GLDN: variants seen among roughly 807,000 people sequenced by gnomAD.
GLDN encodes the protein collomin.
A neutral mutation model predicts 56.5 loss-of-function variants in GLDN; 47 were observed. The ratio of observed to expected loss-of-function variants is 0.83; its 90% CI spans 0.66 to 1.06. The LOEUF is 1.06. Ranked by LOEUF, GLDN falls within the 50% of genes least tolerant of loss-of-function variation. The pLI, the probability that GLDN is intolerant of heterozygous loss-of-function variation, is 0.00. For synonymous variants in GLDN, 332 were observed against 278.8 expected (o/e 1.19, Z -1.90); for missense variants, 782 against 714.3 (o/e 1.09, Z -1.08).
chr15:51,342,165 C>T (rs1185357481), intron 1 of GLDN, 118 bp downstream of exon 1: 19 of 1,303,316 alleles, frequency 1.5e-5, no homozygotes, highest in Non-Finnish European at 1.9e-5. Flanking sequence ...GCGGAGAGGG[C>T]TGTGGGCATG....
rs1222795026 is a variant in GLDN, at chr15:51,407,447, G to A, written c.*2693G>A. ...ACACTTTCCAAATATCTGCACTTCT[G>A]ATGTCAGAATCAAACCAGATAATTC... On this transcript the variant is annotated 3_prime_UTR_variant, in exon 10 of 10. Transcript: ENST00000335449. 1 of 152,174 alleles carries A rather than the reference G, an allele frequency of 6.6e-6. No individual in the cohort carries two copies. The highest frequency in any genetic ancestry group is 1.5e-5 in the Non-Finnish European group (1 of 68,042). The allele number at this position is 152,174 out of a possible 1,614,324, so 9.4% of individuals were successfully genotyped here.
intron 1 of GLDN, among the ~76,000 whole-genome samples, chr15:51,372,116 T>C (rs2037529322): frequency 6.6e-6 from 1 of 152,156 alleles, no homozygotes; most frequent in Non-Finnish European, 1.5e-5. Context: ...TAGCAAGGGA[T>C]TGAAGTGTGC....
intron 2 of GLDN, among the ~76,000 whole-genome samples, chr15:51,377,961 A>G (rs2141089723): frequency 6.6e-6 from 1 of 152,270 alleles, no homozygotes; most frequent in South Asian, 2.1e-4. Flanking sequence ...AAGCCACCTG[A>G]AGCTTTTGCT....
At chr15:51,357,414 A>G (rs1045532198) in intron 1 of GLDN, among the ~76,000 whole-genome samples, 3 of 152,242 alleles carry the variant, frequency 2.0e-5, no homozygotes, top group African/African-American at 4.8e-5. Flanking sequence ...GTAACACTGG[A>G]CCCCTTTCAC....
chr15:51,383,397 C>A (rs547094560), intron 2 of GLDN, 39 bp from the exon 3 acceptor site: 2 of 1,611,904 alleles, frequency 1.2e-6, no homozygotes, highest in South Asian at 2.2e-5. Context: ...TTTCTGGGTT[C>A]GGTGCTGGTT....
intron 4 of GLDN, among the ~76,000 whole-genome samples, chr15:51,392,202 G>A (rs1387835165): frequency 6.6e-6 from 1 of 152,150 alleles, no homozygotes; most frequent in African/African-American, 2.4e-5. Flanking sequence ...GGGGTCCCCA[G>A]CCCCCAGACC....
chr15:51,377,790 A>G (rs2037667091), intron 2 of GLDN, among the ~76,000 whole-genome samples: 1 of 152,342 alleles, frequency 6.6e-6, no homozygotes, highest in East Asian at 1.9e-4. Context: ...ATTAGTTTTT[A>G]AAAGGGGAAA....
At chr15:51,359,915 C>T (rs1288863596) in intron 1 of GLDN, among the ~76,000 whole-genome samples, 2 of 146,766 alleles carry the variant, frequency 1.4e-5, no homozygotes, top group Non-Finnish European at 3.0e-5. Flanking sequence ...GGAGGCGGAG[C>T]TTGCAGTGAG....
intron 4 of GLDN, among the ~76,000 whole-genome samples, chr15:51,394,209 G>T (rs1475175724): frequency 6.6e-6 from 1 of 152,200 alleles, no homozygotes; most frequent in Non-Finnish European, 1.5e-5. Context: ...CATCATGGTT[G>T]CAGACTTCTC....
At chr15:51,365,859 T>C (rs1208823865) in intron 1 of GLDN, among the ~76,000 whole-genome samples, 1 of 152,214 alleles carries the variant, frequency 6.6e-6, no homozygotes, top group Admixed American at 6.5e-5. Flanking sequence ...TTCACCTGCA[T>C]TTTCTCATAA....
intron 1 of GLDN, among the ~76,000 whole-genome samples, chr15:51,375,634 C>T (rs2037613620): frequency 6.6e-6 from 1 of 152,140 alleles, no homozygotes; most frequent in Non-Finnish European, 1.5e-5. Flanking sequence ...GTTTTGAAAA[C>T]GTCAGGCTAA....
chr15:51,355,766 G>A (rs573046200), intron 1 of GLDN, among the ~76,000 whole-genome samples: 89 of 149,346 alleles, frequency 6.0e-4, no homozygotes, highest in African/African-American at 2.0e-3. Context: ...TTTGTGATCT[G>A]CCCACCTTGG....
intron 1 of GLDN, among the ~76,000 whole-genome samples, chr15:51,370,065 A>G (rs942803442): frequency 6.6e-5 from 10 of 152,182 alleles, no homozygotes; most frequent in African/African-American, 2.4e-4. Context: ...GTAGTGAGCC[A>G]TGTTCATGTC....
intron 1 of GLDN, chr15:51,367,620 A>G (rs2037432596): frequency 6.6e-6 from 1 of 152,300 alleles, no homozygotes; most frequent in Non-Finnish European, 1.5e-5. Context: ...TGACTCGAGA[A>G]TAAGCCCTAC....
chr15:51,355,815 A>G (rs62020110), intron 1 of GLDN, among the ~76,000 whole-genome samples: 37,174 of 147,626 alleles, frequency 0.25, 4,766 homozygotes, highest in Middle Eastern at 0.39. Flanking sequence ...GAGCCACCAC[A>G]CCCGGCCCTA....
At position 51,341,671 on chromosome 15, in the gene GLDN, A is replaced by G; in HGVS notation, c.-14A>G. 1 of 1,390,056 alleles carries G rather than the reference A, an allele frequency of 7.2e-7. No individual in the cohort carries two copies. The allele number at this position is 1,390,056 out of a possible 1,614,324, so 86.1% of individuals were successfully genotyped here. A position where few individuals can be genotyped will look rare whatever the true frequency, so the allele number is the denominator to read the frequency against. Reference sequence around the variant, plus strand: ...CAGGCTGCCAAGCCCTGCCCTGCCCAAGGCGCATAGAGCATGGCCCGAGGC... The same window carrying G: ...CAGGCTGCCAAGCCCTGCCCTGCCCGAGGCGCATAGAGCATGGCCCGAGGC... On this transcript the variant is annotated 5_prime_UTR_variant, in exon 1 of 10. Transcript: ENST00000335449.
intron 1 of GLDN, among the ~76,000 whole-genome samples, chr15:51,364,848 C>T (rs995237788): frequency 2.6e-5 from 4 of 152,220 alleles, no homozygotes; most frequent in Admixed American, 2.0e-4. Flanking sequence ...TTGTTGGGTG[C>T]TATAGCTCAG....
chr15:51,383,981 A>T (rs769790255), intron 4 of GLDN, 89 bp downstream of exon 4: 12 of 988,246 alleles, frequency 1.2e-5, no homozygotes, highest in Non-Finnish European at 1.7e-5. Flanking sequence ...CAGCAGGGGT[A>T]AGGTGTTTCA....
intron 1 of GLDN, among the ~76,000 whole-genome samples, chr15:51,371,679 A>G (rs1348353848): frequency 1.3e-5 from 2 of 152,110 alleles, no homozygotes; most frequent in Non-Finnish European, 2.9e-5. Flanking sequence ...TGGATAATTT[A>G]TAAGAAAAGA....
Sources: allele counts gnomAD v4.1 joint callset (sites outside exome capture counted in the v4.1 genomes callset), GRCh38; gene constraint gnomAD v4.1.1; transcripts MANE v1.5; gene names NCBI Gene and HGNC (gene_info 2026-07-23, HGNC 2026-07-21).